GKN1: variants seen among roughly 807,000 people sequenced by gnomAD.
The protein encoded by GKN1 is gastrokine-1.
A neutral mutation model predicts 19.7 loss-of-function variants in GKN1; 17 were observed. The observed-to-expected ratio is 0.86, with a 90% CI of 0.59 to 1.29. The LOEUF is 1.29. GKN1 is among the 50% of genes most tolerant of loss of function. GKN1 has a pLI of 0.00. For synonymous variants in GKN1, 96 were observed against 78.3 expected, an observed-to-expected ratio of 1.23 and a Z score of -1.20; for missense variants, 218 against 224.5, an observed-to-expected ratio of 0.97 and a Z score of 0.19.
At chr2:68,977,349 G>A in intron 1 of GKN1, 146 bp from the exon 2 acceptor site, 2 of 608,624 alleles carry the variant, frequency 3.3e-6, no homozygotes, top group East Asian at 5.4e-5. Flanking sequence ...GTTAAAAAAT[G>A]CAAGGTAAGA....
At position 68,980,922 on chromosome 2, in the gene GKN1, C is replaced by A; in HGVS notation, c.*99C>A. The A allele has an allele frequency of 1.5e-6, 1 of 686,182 alleles. No homozygotes were observed. The highest frequency in any genetic ancestry group is 1.6e-5 in the South Asian group (1 of 61,948). The allele number at this position is 686,182 out of a possible 1,614,324, so 42.5% of individuals were successfully genotyped here. On this transcript the variant is annotated 3_prime_UTR_variant, in exon 6 of 6. Coordinates refer to ENST00000377938, the MANE Select transcript of GKN1 (RefSeq NM_019617.4). ...TTTACCATGTCATTCTGAAATTTTT[C>A]TCTACTAGTTATGTTTGATTTCTTT...
intron 1 of GKN1, among the ~76,000 whole-genome samples, chr2:68,975,659 G>A (rs1296155162): frequency 6.6e-6 from 1 of 152,140 alleles, no homozygotes; most frequent in Non-Finnish European, 1.5e-5. Context: ...AAAAGGGTCA[G>A]AGGGAGCTCC....
chr2:68,977,847 T>C, intron 3 of GKN1, 73 bp downstream of exon 3: 1 of 1,195,624 alleles, frequency 8.4e-7, no homozygotes, highest in Admixed American at 1.8e-5. Flanking sequence ...AATGTGCATG[T>C]TAACCATAAA....
At chr2:68,977,603 T>C in intron 2 of GKN1, 34 bp from the exon 3 acceptor site, 1 of 1,604,288 alleles carries the variant, frequency 6.2e-7, no homozygotes, top group Non-Finnish European at 8.5e-7. Context: ...GGAAATGTGA[T>C]ATTAAATCAC....
Position 68,977,476 on chromosome 2 carries a change from A to G in GKN1, c.13-19A>G, listed in dbSNP as rs563455167. ...CATTTTGCCATGTAACAGGAGACCA[A>G]TGTTATTTGTGATTTCAGATTGTCT... is the stretch of plus-strand genomic sequence containing the variant. On this transcript the variant is annotated intron_variant, in intron 1 of 5. Transcript: ENST00000377938. 3 of 1,566,396 alleles carry G rather than the reference A, an allele frequency of 1.9e-6. No individual in the cohort carries two copies. The highest frequency in any genetic ancestry group is 2.2e-5 in the East Asian group (1 of 44,540).
At chr2:68,980,144 A>C in intron 5 of GKN1, 84 bp downstream of exon 5, 2 of 1,178,192 alleles carry the variant, frequency 1.7e-6, no homozygotes, top group Non-Finnish European at 2.5e-6. Context: ...AGTGGGCACC[A>C]GTGATGCAGG....
rs73934216 is a variant in GKN1, at chr2:68,980,855, A to G, written c.*32A>G. 0.017 allele frequency: 17,999 copies of G among 1,035,018 alleles called. 554 individuals are homozygous for G. Among genetic ancestry groups the G allele is most frequent in the East Asian group, 0.12 (4,930 of 42,292 alleles). The allele number at this position is 1,035,018 out of a possible 1,614,324, so 64.1% of individuals were successfully genotyped here. A position where few individuals can be genotyped will look rare whatever the true frequency, so the allele number is the denominator to read the frequency against. On this transcript the variant is annotated 3_prime_UTR_variant, in exon 6 of 6. Coordinates refer to ENST00000377938, the MANE Select transcript of GKN1 (RefSeq NM_019617.4). The stretch of plus-strand genomic sequence containing the variant: ...TTTTAAAGCCACTATGGATTTAGTC[A>G]TCTGAATATGCTGTGCAGAAAAAAT...
At chr2:68,976,263 C>T (rs6752867) in intron 1 of GKN1, among the ~76,000 whole-genome samples, 94,303 of 151,970 alleles carry the variant, frequency 0.62, 29,347 homozygotes, top group East Asian at 0.76. Context: ...TTATAGCCAT[C>T]TCAAACCATA....
At position 68,980,789 on chromosome 2, in the gene GKN1, A is replaced by G; in HGVS notation, c.524A>G (p.Asp175Gly). 6.3e-7 allele frequency: 1 copy of G among 1,593,216 alleles called. No individual in the cohort carries two copies. The highest frequency in any genetic ancestry group is 8.6e-7 in the Non-Finnish European group (1 of 1,160,994). Reference sequence around the variant, plus strand: ...ACGACCAGTGTACTATGGATTGTGGACATTTCCTTCTGTGGAGACACGGTG... The same window carrying G: ...ACGACCAGTGTACTATGGATTGTGGGCATTTCCTTCTGTGGAGACACGGTG... Reference protein sequence around the residue: ...CYTTSVLWIVDISFCGDTVEN With the variant: ...CYTTSVLWIVGISFCGDTVEN Residue 175 changes from aspartate to glycine, a missense_variant, in exon 6 of 6, where the codon GAC (aspartate) becomes GGC (glycine). Transcript: ENST00000377938.
chr2:68,977,578 A>G, intron 2 of GKN1, 30 bp downstream of exon 2: 1 of 1,605,504 alleles, frequency 6.2e-7, no homozygotes, highest in Non-Finnish European at 8.5e-7. Flanking sequence ...GTTTGCTACC[A>G]AAATGCATTT....
intron 1 of GKN1, among the ~76,000 whole-genome samples, chr2:68,975,318 G>T (rs2103919877): frequency 6.6e-6 from 1 of 152,112 alleles, no homozygotes; most frequent in East Asian, 1.9e-4. Flanking sequence ...ACAGTAAAAT[G>T]GGTCTCCAAG....
At chr2:68,974,877 G>T (rs925103326) in intron 1 of GKN1, among the ~76,000 whole-genome samples, 188 bp downstream of exon 1, 5 of 152,104 alleles carry the variant, frequency 3.3e-5, no homozygotes, top group African/African-American at 1.2e-4. Context: ...TGGAGAGTGA[G>T]GGGAGGGAAC....
chr2:68,975,129 G>A (rs4610084), intron 1 of GKN1, among the ~76,000 whole-genome samples: 96,230 of 151,946 alleles, frequency 0.63, 30,607 homozygotes, highest in East Asian at 0.75. Context: ...ATGACTTTCC[G>A]CATCACCTGA....
At chr2:68,978,296 G>GAAAGAAAGAA (rs796222573) in intron 3 of GKN1, among the ~76,000 whole-genome samples, 3 of 102,440 alleles carry the variant, frequency 2.9e-5, no homozygotes, top group African/African-American at 1.7e-4. Context: ...AAGAAAGAAA[G>GAAAGAAAGAA]AGAGAGAAAG....
intron 1 of GKN1, 85 bp from the exon 2 acceptor site, chr2:68,977,410 A>C: frequency 2.0e-5 from 19 of 935,906 alleles, no homozygotes; most frequent in Non-Finnish European, 1.6e-5. Context: ...AAAATTAGTG[A>C]ATACTTTTCA....
chr2:68,977,627 T>C lies in GKN1; in HGVS notation c.67-10T>C. On this transcript the variant is annotated splice_polypyrimidine_tract_variant and intron_variant, in intron 2 of 5. Coordinates refer to ENST00000377938, the MANE Select transcript of GKN1 (RefSeq NM_019617.4). ...ATATTAAATCACTCTCAATCTCTTA[T>C]AAACTTCAGAATATCAACGTCAATG... The C allele has an allele frequency of 1.2e-6, 2 of 1,610,124 alleles. No individual in the cohort carries two copies. Among genetic ancestry groups the C allele is most frequent in the Non-Finnish European group, 8.5e-7 (1 of 1,176,416 alleles).
In GKN1 at chr2:68,978,002, G is replaced by T. The variant is rs1465475169; in HGVS notation, c.204+228G>T. On this transcript the variant is annotated intron_variant, in intron 3 of 5. Transcript: ENST00000377938. The stretch of plus-strand genomic sequence containing the variant: ...TAAAATTCAAACCAACAAACACTAT[G>T]TTCAAGGGATTGTGGGTATATACAA... The T allele has an allele frequency of 5.6e-6, 3 of 531,522 alleles. No individual in the cohort carries two copies. In the Admixed American group the frequency reaches 9.5e-5, roughly 17 times the overall value. 32.9% of individuals were successfully genotyped at this position (531,522 alleles called of 1,614,324 possible).
In GKN1 at chr2:68,980,823, A is replaced by AACCC; in HGVS notation, c.*2_*3insCCAC. ...TCTGTGGAGACACGGTGGAGAACTA[A>AACCC]ACAATTTTTTAAAGCCACTATGGAT... On this transcript the variant is annotated 3_prime_UTR_variant, in exon 6 of 6. Coordinates refer to ENST00000377938, the MANE Select transcript of GKN1 (RefSeq NM_019617.4). 6.8e-7 allele frequency: 1 copy of AACCC among 1,464,894 alleles called. No homozygotes were observed. The highest frequency in any genetic ancestry group is 1.4e-5 in the African/African-American group (1 of 72,222). The allele number at this position is 1,464,894 out of a possible 1,614,324, so 90.7% of individuals were successfully genotyped here.
At chr2:68,977,837 A>C (rs1323785322) in intron 3 of GKN1, 63 bp downstream of exon 3, 1 of 1,277,594 alleles carries the variant, frequency 7.8e-7, no homozygotes, top group Non-Finnish European at 1.1e-6. Flanking sequence ...TTTAACAAAA[A>C]ATGTGCATGT....
Sources: allele counts gnomAD v4.1 joint callset (sites outside exome capture counted in the v4.1 genomes callset), GRCh38; gene constraint gnomAD v4.1.1; transcripts MANE v1.5; gene names NCBI Gene and HGNC (gene_info 2026-07-23, HGNC 2026-07-21).